ADGRV1: variants seen among roughly 807,000 people sequenced by gnomAD.
The protein encoded by ADGRV1 is adhesion G protein-coupled receptor V1, also known as G-protein coupled receptor 98.
Under a neutral mutation model 596.2 loss-of-function variants are expected in ADGRV1, and 359 were observed. The ratio of observed to expected loss-of-function variants is 0.60; its 90% CI spans 0.55 to 0.66. The LOEUF (loss-of-function observed/expected upper bound fraction) is 0.66. ADGRV1 is among the 30% of genes least tolerant of loss of function. ADGRV1 has a pLI of 0.00. For synonymous variants in ADGRV1, 2,681 were observed against 2,679.2 expected (o/e 1.00, Z -0.02); for missense variants, 7,274 against 7,575.6 (o/e 0.96, Z 1.48).
chr5:90,686,758 T>G lies in ADGRV1; in HGVS notation c.6490+763T>G, dbSNP rs566426775. On this transcript the variant is annotated intron_variant, in intron 29 of 89. Transcript: ENST00000405460. Reference sequence around the variant, plus strand: ...AATGGGATGGCTGGGTCAGATGGTATTTCTAGTTCTAGATCCCTGAGGAAT... The same window carrying G: ...AATGGGATGGCTGGGTCAGATGGTAGTTCTAGTTCTAGATCCCTGAGGAAT... Among the ~76,000 whole-genome samples, 7 of 152,326 alleles carry G rather than the reference T, an allele frequency of 4.6e-5. No individual in the cohort carries two copies. The East Asian group carries it at 1.2e-3, about 25-fold the overall frequency.
chr5:90,581,035 T>C (rs10070071), intron 1 of ADGRV1, among the ~76,000 whole-genome samples: 13,547 of 152,252 alleles, frequency 0.089, 1,899 homozygotes, highest in African/African-American at 0.3. Flanking sequence ...TTCTTCCCCT[T>C]GATCGAATTG....
intron 78 of ADGRV1, among the ~76,000 whole-genome samples, chr5:90,845,439 G>A (rs932924631): frequency 1.3e-5 from 2 of 152,220 alleles, no homozygotes; most frequent in Admixed American, 6.5e-5. Context: ...ATGAATGAAA[G>A]TGTGGGTAGC....
At chr5:90,808,951 G>GT (rs11462822) in intron 73 of ADGRV1, among the ~76,000 whole-genome samples, 108,734 of 144,386 alleles carry the variant, frequency 0.75, 45,836 homozygotes, top group Non-Finnish European at 0.94. Context: ...AGGCATAAAT[G>GT]TTTTTTTTTT....
intron 64 of ADGRV1, 30 bp from the exon 65 acceptor site, chr5:90,781,400 A>G (rs770447889): frequency 1.3e-6 from 2 of 1,515,244 alleles, no homozygotes; most frequent in Non-Finnish European, 1.8e-6. Context: ...GTTGTATTTT[A>G]TTTTATTTTG....
rs113102922 is a variant in ADGRV1, at chr5:90,693,449, T to A, written c.7134-441T>A. Among the ~76,000 whole-genome samples, 495 of 152,290 alleles carry A rather than the reference T, an allele frequency of 3.3e-3. 2 individuals carry two copies. The highest frequency in any genetic ancestry group is 0.011 in the African/African-American group (460 of 41,562). ...ACTGGTTTTTAAAGTTTGTATTTTTTAAATTTTTTTTTTTCTGAATATTTT... is the reference window on the plus strand; with the variant it reads ...ACTGGTTTTTAAAGTTTGTATTTTTAAAATTTTTTTTTTTCTGAATATTTT... On this transcript the variant is annotated intron_variant, in intron 32 of 89. Coordinates refer to ENST00000405460, the MANE Select transcript of ADGRV1 (RefSeq NM_032119.4).
chr5:90,697,534 G>A (rs989354173), intron 34 of ADGRV1, among the ~76,000 whole-genome samples: 6 of 150,914 alleles, frequency 4.0e-5, no homozygotes, highest in African/African-American at 1.5e-4. Flanking sequence ...AAGGGTAGCT[G>A]TTGGTATCAA....
At chr5:90,827,348 T>C (rs1295112339) in intron 76 of ADGRV1, among the ~76,000 whole-genome samples, 1 of 152,196 alleles carries the variant, frequency 6.6e-6, no homozygotes, top group Non-Finnish European at 1.5e-5. Flanking sequence ...CAATAGAGTG[T>C]TTATTTCTAA....
intron 87 of ADGRV1, among the ~76,000 whole-genome samples, chr5:91,106,802 A>C (rs889267093): frequency 6.6e-6 from 1 of 152,238 alleles, no homozygotes; most frequent in African/African-American, 2.4e-5. Context: ...AGACGTTGCT[A>C]AATACTGTAT....
Position 90,724,996 on chromosome 5 carries a change from A to G in ADGRV1, c.9906+7A>G. 2 of 1,584,736 alleles carry G rather than the reference A, an allele frequency of 1.3e-6. No homozygotes were observed. The highest frequency in any genetic ancestry group is 1.9e-5 in the Admixed American group (1 of 52,298). ...GATTTTTATTCCAGTTGAGGTAAAC[A>G]TCAGTATTTTTTTATAGTACAAAAA... On this transcript the variant is annotated splice_region_variant and intron_variant, in intron 46 of 89. Transcript: ENST00000405460.
At chr5:90,817,488 C>T (rs1763015942) in intron 75 of ADGRV1, among the ~76,000 whole-genome samples, 1 of 151,396 alleles carries the variant, frequency 6.6e-6, no homozygotes, top group Admixed American at 6.6e-5. Flanking sequence ...AGTCCTTGCC[C>T]ATGCCTGTGT....
At chr5:91,019,437 C>T (rs956636062) in intron 85 of ADGRV1, among the ~76,000 whole-genome samples, 3 of 151,868 alleles carry the variant, frequency 2.0e-5, no homozygotes, top group Admixed American at 6.6e-5. Flanking sequence ...TTTTTCTTAC[C>T]TTAAGACTTA....
chr5:90,921,903 C>A (rs1335811323), intron 83 of ADGRV1, among the ~76,000 whole-genome samples: 2 of 150,162 alleles, frequency 1.3e-5, no homozygotes, highest in Non-Finnish European at 3.0e-5. Context: ...CCGAGGTCAT[C>A]CTTCCAGCCT....
intron 1 of ADGRV1, among the ~76,000 whole-genome samples, chr5:90,598,203 C>G (rs1760950570): frequency 1.3e-5 from 2 of 152,156 alleles, no homozygotes; most frequent in African/African-American, 4.8e-5. Flanking sequence ...TATACCCACG[C>G]CTTCAATTAT....
In ADGRV1 at chr5:90,652,354, G is replaced by A; in HGVS notation, c.3425G>A (p.Arg1142Lys). The A allele has an allele frequency of 2.5e-6, 4 of 1,576,344 alleles. No individual in the cohort carries two copies. Among genetic ancestry groups the A allele is most frequent in the Non-Finnish European group, 3.4e-6 (4 of 1,163,018 alleles). Reference protein sequence around the residue: ...EGKTNAFWILRHRGYFGSVSV... With the variant: ...EGKTNAFWILKHRGYFGSVSV... Reference sequence around the variant, plus strand: ...TTTAATTTATTTTGTAGGATTTTGAGGCACCGAGGATACTTTGGTAGTGTT... The same window carrying A: ...TTTAATTTATTTTGTAGGATTTTGAAGCACCGAGGATACTTTGGTAGTGTT... The change falls in exon 19 of 90, where the codon AGG (arginine) becomes AAG (lysine). Residue 1142 changes from arginine (R) to lysine (K), a missense_variant. By Grantham distance (26) the Arg-to-Lys change is conservative. This residue lies in a region of ADGRV1 where 1,715 missense variants were observed against 1,708.8 expected (regional missense o/e 1.00). Coordinates refer to ENST00000405460, the MANE Select transcript of ADGRV1 (RefSeq NM_032119.4).
At position 90,848,826 on chromosome 5, in the gene ADGRV1, G is replaced by C. The variant is rs768725683; in HGVS notation, c.17204+5G>C. ...TTGCGGCTCTCCTGGTGAAAAGTAA[G>C]TATCTTTTAATATATTAGCAGTACC... On this transcript the variant is annotated splice_donor_5th_base_variant and intron_variant, in intron 79 of 89. Coordinates refer to ENST00000405460, the MANE Select transcript of ADGRV1 (RefSeq NM_032119.4). 1 of 1,572,718 alleles carries C rather than the reference G, an allele frequency of 6.4e-7. No individual in the cohort carries two copies. The highest frequency in any genetic ancestry group is 8.6e-7 in the Non-Finnish European group (1 of 1,164,082).
intron 36 of ADGRV1, among the ~76,000 whole-genome samples, chr5:90,705,185 G>A (rs1748436454): frequency 6.6e-6 from 1 of 152,082 alleles, no homozygotes; most frequent in African/African-American, 2.4e-5. Context: ...CTGATAACCA[G>A]TATAACCAAT....
At chr5:90,874,895 G>A (rs554966186) in intron 83 of ADGRV1, among the ~76,000 whole-genome samples, 1 of 152,066 alleles carries the variant, frequency 6.6e-6, no homozygotes, top group South Asian at 2.1e-4. Flanking sequence ...GGTTAAATAA[G>A]AAAAACAATG....
intron 67 of ADGRV1, among the ~76,000 whole-genome samples, chr5:90,785,479 T>A (rs1250067634): frequency 6.6e-6 from 1 of 152,152 alleles, no homozygotes. Context: ...ACCTACAGAA[T>A]GGGAGAAAAT....
Position 90,653,752 on chromosome 5 carries a change from A to T in ADGRV1, c.4178A>T (p.His1393Leu), listed in dbSNP as rs765884592. Residue 1393 changes from histidine (H) to leucine (L), a missense_variant, in exon 20 of 90, where the codon CAT (histidine) becomes CTT (leucine). Physicochemically the swap from His to Leu is moderately conservative, Grantham distance 99. Coordinates refer to ENST00000405460, the MANE Select transcript of ADGRV1 (RefSeq NM_032119.4). ...GTAAAAATACAAACAAACGAATCCC[A>T]TGTGACACTTTCCCTTCATTATAAA... Reference protein sequence around the residue: ...YGVKIQTNESHVTLSLHYKTL... With the variant: ...YGVKIQTNESLVTLSLHYKTL... The T allele has an allele frequency of 3.1e-6, 5 of 1,613,148 alleles. No homozygotes were observed. In the South Asian group the frequency reaches 5.5e-5, roughly 18 times the overall value.
Sources: gnomAD v4.1 joint callset for allele counts (sites outside exome capture counted in the v4.1 genomes callset) on GRCh38, gnomAD v4.1.1 for gene constraint, gnomAD v4.1.1 regional missense constraint, MANE v1.5 for transcripts, NCBI Gene and HGNC (gene_info 2026-07-23, HGNC 2026-07-21) for gene names.